Variants in CYTH4 observed in about 807,000 individuals in gnomAD.
CYTH4 encodes the protein cytohesin 4, also known as cytohesin-4.
CYTH4 carries 22 observed loss-of-function variants against 57.5 expected under a neutral mutation model. That is an observed-to-expected ratio of 0.38 (90% CI 0.27 to 0.55). The LOEUF is 0.55. Ranked by LOEUF, CYTH4 falls within the 20% of genes least tolerant of loss-of-function variation. The pLI is 0.74. For synonymous variants in CYTH4, 186 were observed against 206.5 expected (o/e 0.90, Z 0.85); for missense variants, 420 against 535.6 (o/e 0.78, Z 2.13).
chr22:37,309,351 G>T (rs369126022), intron 9 of CYTH4, 28 bp downstream of exon 9: 2 of 1,596,862 alleles, frequency 1.3e-6, no homozygotes, highest in African/African-American at 2.7e-5. Flanking sequence ...ACACGTCGTC[G>T]CACACACACT....
intron 1 of CYTH4, among the ~76,000 whole-genome samples, chr22:37,285,251 C>A (rs993092320): frequency 1.3e-5 from 2 of 151,916 alleles, no homozygotes; most frequent in South Asian, 4.2e-4. Context: ...CCAGCCTGGG[C>A]GCAAGGGCAG....
In CYTH4 at chr22:37,295,282, C is replaced by T. The variant is rs969937758; in HGVS notation, c.167+558C>T. 9.2e-5 allele frequency among the ~76,000 whole-genome samples: 14 copies of T among 152,008 alleles called. No homozygotes were observed. Among genetic ancestry groups the T allele is most frequent in the African/African-American group, 3.1e-4 (13 of 41,378 alleles). Reference sequence around the variant, plus strand: ...GTCTCCTAAGGCCCCAGTGCACTGACTCTGACACACGATGTCCTGGCAATT... The same window carrying T: ...GTCTCCTAAGGCCCCAGTGCACTGATTCTGACACACGATGTCCTGGCAATT... On this transcript the variant is annotated intron_variant, in intron 3 of 12. Coordinates refer to ENST00000248901, the MANE Select transcript of CYTH4 (RefSeq NM_013385.5). The surrounding 1 kb of genome is among the most constrained non-coding windows in gnomAD (Gnocchi z 4.1).
At chr22:37,310,924 C>T (rs1929614920) in intron 9 of CYTH4, 64 bp from the exon 10 acceptor site, 4 of 1,579,248 alleles carry the variant, frequency 2.5e-6, no homozygotes, top group Non-Finnish European at 2.6e-6. Flanking sequence ...CCTGCCCTTC[C>T]CTGGAGGAGG....
In CYTH4 at chr22:37,295,782, G is replaced by C. The variant is rs113623649; in HGVS notation, c.168-217G>C. 1.3e-5 allele frequency among the ~76,000 whole-genome samples: 2 copies of C among 152,246 alleles called. No individual in the cohort carries two copies. Among genetic ancestry groups the C allele is most frequent in the East Asian group, 1.9e-4 (1 of 5,198 alleles). On this transcript the variant is annotated intron_variant, in intron 3 of 12. Coordinates refer to ENST00000248901, the MANE Select transcript of CYTH4 (RefSeq NM_013385.5). This position sits in a 1 kb window ranked among gnomAD's most constrained non-coding sequence, Gnocchi z 4.1. ...GGTTCCTGCAAGCTGCTAAATGCCC[G>C]TGCTGGGCCCATCAGAGAAGTCAGC...
At chr22:37,303,454 C>A (rs762862859) in intron 8 of CYTH4, 52 bp downstream of exon 8, 2 of 1,584,230 alleles carry the variant, frequency 1.3e-6, no homozygotes, top group African/African-American at 1.4e-5. Flanking sequence ...CAGGAGGGAC[C>A]TGTCCTTAGA....
intron 12 of CYTH4, among the ~76,000 whole-genome samples, chr22:37,312,754 C>T (rs1182520828): frequency 6.6e-6 from 1 of 152,190 alleles, no homozygotes; most frequent in Non-Finnish European, 1.5e-5. Context: ...GTGAGGAAAG[C>T]CAAAGTGTAG....
At chr22:37,286,804 G>A (rs1366098399) in intron 1 of CYTH4, among the ~76,000 whole-genome samples, 2 of 152,172 alleles carry the variant, frequency 1.3e-5, no homozygotes, top group Non-Finnish European at 2.9e-5. Flanking sequence ...TACACCAGCA[G>A]GACTGGTGAG....
rs1929134896 is a variant in CYTH4, at chr22:37,300,336, A to T, written c.435-571A>T. 4 of 694,714 alleles carry T rather than the reference A, an allele frequency of 5.8e-6. No homozygotes were observed. The East Asian group carries it at 1.1e-4, about 19-fold the overall frequency. The allele number at this position is 694,714 out of a possible 1,614,324, so 43.0% of individuals were successfully genotyped here. A position where few individuals can be genotyped will look rare whatever the true frequency, so the allele number is the denominator to read the frequency against. The stretch of plus-strand genomic sequence containing the variant: ...CATTCATTCACATATTCATTCATTC[A>T]TTCACTTATTTACTGAGCCTTTGCT... On this transcript the variant is annotated intron_variant, in intron 6 of 12. Transcript: ENST00000248901.
In CYTH4 at chr22:37,311,152, C is replaced by A; in HGVS notation, c.885+88C>A. 1 of 1,414,268 alleles carries A rather than the reference C, an allele frequency of 7.1e-7. No homozygotes were observed. The highest frequency in any genetic ancestry group is 1.0e-6 in the Non-Finnish European group (1 of 1,002,936). 87.6% of individuals were successfully genotyped at this position (1,414,268 alleles called of 1,614,324 possible). On this transcript the variant is annotated intron_variant, in intron 10 of 12. Transcript: ENST00000248901. This position sits in a 1 kb window ranked among gnomAD's most constrained non-coding sequence, Gnocchi z 4.4. ...ACTCCCACTGAGCAGTCGACTCACA[C>A]AGCTTTGGATCCTTTGAGATCATTC... is the stretch of plus-strand genomic sequence containing the variant.
intron 1 of CYTH4, among the ~76,000 whole-genome samples, chr22:37,290,026 A>C (rs1928694946): frequency 6.6e-6 from 1 of 152,114 alleles, no homozygotes; most frequent in African/African-American, 2.4e-5. Context: ...TAAATTTCCA[A>C]ATAGCTATTC....
chr22:37,308,516 G>A (rs1019893929), intron 8 of CYTH4, among the ~76,000 whole-genome samples: 2 of 151,986 alleles, frequency 1.3e-5, no homozygotes, highest in African/African-American at 4.8e-5. Flanking sequence ...GTGTGAGCGT[G>A]TGTATATGTG....
rs190109741 is a variant in CYTH4, at chr22:37,307,174, C to T, written c.697-2038C>T. On this transcript the variant is annotated intron_variant, in intron 8 of 12. Coordinates refer to ENST00000248901, the MANE Select transcript of CYTH4 (RefSeq NM_013385.5). ...AGGGGTTGCGGCAGTGCGTGCAAGG[C>T]GTTTTCTTGCAGGAGAGGCTGGTGT... Among the ~76,000 whole-genome samples, 3 of 152,290 alleles carry T rather than the reference C, an allele frequency of 2.0e-5. No individual in the cohort carries two copies. In the East Asian group the frequency reaches 5.8e-4, roughly 29 times the overall value.
intron 8 of CYTH4, among the ~76,000 whole-genome samples, chr22:37,307,330 G>GC (rs1309535597): frequency 6.6e-6 from 1 of 152,172 alleles, no homozygotes; most frequent in Non-Finnish European, 1.5e-5. Flanking sequence ...ACCCCCGTCT[G>GC]CCCCCCTGCA....
intron 1 of CYTH4, among the ~76,000 whole-genome samples, chr22:37,286,113 G>A (rs989360247): frequency 1.3e-5 from 2 of 152,320 alleles, no homozygotes; most frequent in Non-Finnish European, 1.5e-5. Flanking sequence ...GGTTGGGTGG[G>A]GGCAACTGCA....
chr22:37,303,948 A>T (rs1021477341), intron 8 of CYTH4, among the ~76,000 whole-genome samples: 13 of 152,142 alleles, frequency 8.5e-5, no homozygotes, highest in Admixed American at 1.3e-4. Context: ...GGCCCCAGGG[A>T]TGAATCAACC....
At chr22:37,285,638 G>A (rs1928530063) in intron 1 of CYTH4, among the ~76,000 whole-genome samples, 1 of 152,086 alleles carries the variant, frequency 6.6e-6, no homozygotes. Context: ...TTGAACCTGG[G>A]AGGTGGAGGT....
Position 37,294,705 on chromosome 22 carries a change from T to C in CYTH4, c.148T>C (p.Phe50Leu), listed in dbSNP as rs758863777. The C allele has an allele frequency of 6.2e-7, 1 of 1,613,848 alleles. No individual in the cohort carries two copies. The highest frequency in any genetic ancestry group is 2.2e-5 in the East Asian group (1 of 44,876). The change falls in exon 3 of 13, where the codon TTC becomes CTC. Residue 50 changes from phenylalanine (F) to leucine (L), a missense_variant. Phe to Leu is a conservative substitution (Grantham distance 22). Coordinates refer to ENST00000248901, the MANE Select transcript of CYTH4 (RefSeq NM_013385.5). ...IADVFAQIDCFESAEESRMAQ... is the reference protein window; with the variant it reads ...IADVFAQIDCLESAEESRMAQ... ...AGATGTGTTTGCCCAAATCGACTGC[T>C]TCGAGAGTGCGGAGGAGAGGTGAGG...
At chr22:37,290,289 G>A (rs1244578498) in intron 1 of CYTH4, among the ~76,000 whole-genome samples, 1 of 152,168 alleles carries the variant, frequency 6.6e-6, no homozygotes, top group African/African-American at 2.4e-5. Flanking sequence ...TCCTCAGAAT[G>A]TTTGGATATT....
intron 7 of CYTH4, among the ~76,000 whole-genome samples, chr22:37,301,682 CTTTTTTTTT>C (rs71798839): frequency 4.0e-5 from 2 of 50,346 alleles, no homozygotes; most frequent in Non-Finnish European, 7.6e-5. Flanking sequence ...CCACTCAATC[CTTTTTTTTT>C]TTTTTTTTTT....
Sources: gnomAD v4.1 joint callset for allele counts (sites outside exome capture counted in the v4.1 genomes callset) on GRCh38, gnomAD v4.1.1 for gene constraint, Gnocchi (gnomAD v3.1) non-coding constraint, MANE v1.5 for transcripts, NCBI Gene and HGNC (gene_info 2026-07-23, HGNC 2026-07-21) for gene names.